The following TGFBR3L variants were observed in gnomAD, a reference collection of about 807,000 sequenced individuals.
The protein encoded by TGFBR3L is transforming growth factor-beta receptor type 3-like protein.
In TGFBR3L, 21 loss-of-function variants were observed where a neutral mutation model predicts 20.4. The ratio of observed to expected loss-of-function variants is 1.03; its 90% CI spans 0.73 to 1.48. TGFBR3L has a LOEUF of 1.48. Ranked by LOEUF, TGFBR3L falls within the 40% of genes most tolerant of loss-of-function variation. The pLI, the probability that TGFBR3L is intolerant of heterozygous loss-of-function variation, is 0.00. For synonymous variants in TGFBR3L, 245 were observed against 244.2 expected (o/e 1.00, Z -0.03); for missense variants, 479 against 498.0 (o/e 0.96, Z 0.36).
rs1296911973 is a variant in TGFBR3L at position 7,918,057 on chromosome 19, C to G, written c.884C>G (p.Ala295Gly). 6.5e-7 allele frequency: 1 copy of G among 1,533,910 alleles called. No homozygotes were observed. Among genetic ancestry groups the G allele is most frequent in the Non-Finnish European group, 8.7e-7 (1 of 1,145,512 alleles). ...TCTGCAGCTCGCCTCTCCCTTCCAG[C>G]GCCCCACGCCCCTGGCCCGCCCGCG... Residue 295 changes from alanine (A) to glycine (G), a missense_variant and splice_region_variant, in exon 5 of 6, where the codon GCG becomes GGG. Ala to Gly is a moderately conservative substitution (Grantham distance 60). Coordinates refer to ENST00000565886, the MANE Select transcript of TGFBR3L (RefSeq NM_001195259.2).
In TGFBR3L at chr19:7,918,064, C is replaced by A. The variant is rs1356078080; in HGVS notation, c.891C>A (p.His297Gln). ...CTCGCCTCTCCCTTCCAGCGCCCCA[C>A]GCCCCTGGCCCGCCCGCGAGAGCCT... Residue 297 changes from histidine to glutamine, a missense_variant, in exon 5 of 6, where the codon CAC becomes CAA. Transcript: ENST00000565886. 3 of 1,534,754 alleles carry A rather than the reference C, an allele frequency of 2.0e-6. No homozygotes were observed. Among genetic ancestry groups the A allele is most frequent in the South Asian group, 1.2e-5 (1 of 84,024 alleles).
intron 2 of TGFBR3L, 132 bp downstream of exon 3, chr19:7,917,074 G>A: frequency 8.5e-7 from 1 of 1,181,964 alleles, no homozygotes; most frequent in Non-Finnish European, 1.1e-6. Flanking sequence ...GGGCGCAAGG[G>A]TCCATCTCTG....
Position 7,916,163 on chromosome 19 carries a change from AG to A in TGFBR3L, c.-101del. 6.9e-7 allele frequency: 1 copy of A among 1,452,146 alleles called. No homozygotes were observed. The highest frequency in any genetic ancestry group is 1.4e-5 in the South Asian group (1 of 70,364). 90.0% of individuals were successfully genotyped at this position (1,452,146 alleles called of 1,614,324 possible). A position where few individuals can be genotyped will look rare whatever the true frequency, so the allele number is the denominator to read the frequency against. On this transcript the variant is annotated 5_prime_UTR_variant, in exon 1 of 6. Coordinates refer to ENST00000565886, the MANE Select transcript of TGFBR3L (RefSeq NM_001195259.2). ...CTTCGCCAGCTTCGGAGGCTTCTCT[AG>A]GGGCGCATGGCTCTGCAACCGGCTC...
Position 7,915,251 on chromosome 19 carries a change from C to T in TGFBR3L, c.-1017C>T, listed in dbSNP as rs1326906044. 2.0e-5 allele frequency among the ~76,000 whole-genome samples: 3 copies of T among 152,108 alleles called. No individual in the cohort carries two copies. Among genetic ancestry groups the T allele is most frequent in the Non-Finnish European group, 2.9e-5 (2 of 68,018 alleles). On this transcript the variant is annotated 5_prime_UTR_variant, in exon 1 of 6. Coordinates refer to ENST00000565886, the MANE Select transcript of TGFBR3L (RefSeq NM_001195259.2). ...CGAACTTTTCAAAGTGCTGGGATTA[C>T]AGGTGTGAGCCACCGCGCCCCACCG...
chr19:7,917,090 A>C, intron 2 of TGFBR3L, 148 bp downstream of exon 3: 1 of 1,150,980 alleles, frequency 8.7e-7, no homozygotes, highest in Non-Finnish European at 1.1e-6. Flanking sequence ...CTCTGCCGAC[A>C]GAGTTTCTCC....
rs1451427190 is a variant in TGFBR3L, at chr19:7,916,107, C to T, written c.-161C>T. The T allele has an allele frequency of 1.4e-5, 19 of 1,392,080 alleles. No individual in the cohort carries two copies. Among genetic ancestry groups the T allele is most frequent in the Middle Eastern group, 2.6e-4 (1 of 3,810 alleles). The allele number at this position is 1,392,080 out of a possible 1,614,324, so 86.2% of individuals were successfully genotyped here. A position where few individuals can be genotyped will look rare whatever the true frequency, so the allele number is the denominator to read the frequency against. On this transcript the variant is annotated 5_prime_UTR_variant, in exon 1 of 6. Coordinates refer to ENST00000565886, the MANE Select transcript of TGFBR3L (RefSeq NM_001195259.2). ...CAGCCGGACCCCACCATCGGGTGCTCCTCACCGCTTCTCTTCCGCCCCAGG... is the reference window on the plus strand; with the variant it reads ...CAGCCGGACCCCACCATCGGGTGCTTCTCACCGCTTCTCTTCCGCCCCAGG...
At chr19:7,918,737 T>G in intron 5 of TGFBR3L, 180 bp from the exon 7 acceptor site, 1 of 396,152 alleles carries the variant, frequency 2.5e-6, no homozygotes, top group Non-Finnish European at 4.4e-6. Context: ...GCGCGGGCTT[T>G]GGGTCGAGCC....
At chr19:7,917,206 G>A (rs184427105) in intron 2 of TGFBR3L, among the ~76,000 whole-genome samples, 1 of 152,352 alleles carries the variant, frequency 6.6e-6, no homozygotes, top group East Asian at 1.9e-4. Flanking sequence ...TGGGAACCTG[G>A]TGCTGGGCCT....
intron 1 of TGFBR3L, 33 bp from the exon 3 acceptor site, chr19:7,916,589 C>A (rs1983311946): frequency 7.0e-7 from 1 of 1,432,520 alleles, no homozygotes; most frequent in Non-Finnish European, 9.1e-7. Context: ...CCGGTGGGGA[C>A]GGGCGATCCC....
chr19:7,916,688 T>C lies in TGFBR3L; in HGVS notation c.343T>C (p.Ser115Pro). Residue 115 changes from serine (S) to proline (P), a missense_variant, in exon 2 of 6, where the codon TCA becomes CCA. Transcript: ENST00000565886. Reference sequence around the variant, plus strand: ...GCACCGCTGCTCAGTGACGCCGTCCTCACGCCCGGCCCCGGGGCCCGCCCT... The same window carrying C: ...GCACCGCTGCTCAGTGACGCCGTCCCCACGCCCGGCCCCGGGGCCCGCCCT... The C allele has an allele frequency of 2.1e-6, 3 of 1,432,300 alleles. No homozygotes were observed. The highest frequency in any genetic ancestry group is 1.4e-5 in the South Asian group (1 of 70,186). The allele number at this position is 1,432,300 out of a possible 1,614,324, so 88.7% of individuals were successfully genotyped here.
Position 7,918,897 on chromosome 19 carries a change from G to C in TGFBR3L, c.*6-20G>C. ...CGCGTAGCGTCCCCTCCCTCGCTGA[G>C]CCTCAGCCACCCCTCCCAGGGATGG... is the stretch of plus-strand genomic sequence containing the variant. On this transcript the variant is annotated intron_variant, in intron 5 of 5. Transcript: ENST00000565886. 2.5e-6 allele frequency: 1 copy of C among 398,604 alleles called. No individual in the cohort carries two copies. Among genetic ancestry groups the C allele is most frequent in the Non-Finnish European group, 4.4e-6 (1 of 226,052 alleles). The allele number at this position is 398,604 out of a possible 1,614,324, so 24.7% of individuals were successfully genotyped here.
Position 7,917,717 on chromosome 19 carries a change from C to A in TGFBR3L, c.741C>A (p.Val247=), listed in dbSNP as rs1983377043. Residue 247 remains valine, a synonymous_variant, in exon 4 of 6, where the codon GTC becomes GTA. Transcript: ENST00000565886. ...TTCCCACAGGGCCGCCCAAGAGTGT[C>A]CCCGGCCGTGCAGTGCGCCCTGAGC... is the stretch of plus-strand genomic sequence containing the variant. The A allele has an allele frequency of 7.0e-7, 1 of 1,426,210 alleles. No individual in the cohort carries two copies. The highest frequency in any genetic ancestry group is 1.5e-5 in the South Asian group (1 of 68,848). The allele number at this position is 1,426,210 out of a possible 1,614,324, so 88.3% of individuals were successfully genotyped here.
At position 7,916,113 on chromosome 19, in the gene TGFBR3L, C is replaced by T; in HGVS notation, c.-155C>T. ...GACCCCACCATCGGGTGCTCCTCAC[C>T]GCTTCTCTTCCGCCCCAGGGAGGGC... On this transcript the variant is annotated 5_prime_UTR_variant, in exon 1 of 6. Coordinates refer to ENST00000565886, the MANE Select transcript of TGFBR3L (RefSeq NM_001195259.2). The T allele has an allele frequency of 1.1e-5, 15 of 1,409,014 alleles. No homozygotes were observed. The South Asian group carries it at 1.8e-4, about 17-fold the overall frequency. 87.3% of individuals were successfully genotyped at this position (1,409,014 alleles called of 1,614,324 possible).
chr19:7,915,069 G>C lies in TGFBR3L; in HGVS notation c.-1199G>C, dbSNP rs976893949. On this transcript the variant is annotated 5_prime_UTR_variant, in exon 1 of 6. Transcript: ENST00000565886. ...CACTCACCGCAACCTCCGCCTCCCC[G>C]GTTCAAGTGATTCTCCTGCCTCAGC... 2.0e-5 allele frequency among the ~76,000 whole-genome samples: 3 copies of C among 152,116 alleles called. No individual in the cohort carries two copies. Among genetic ancestry groups the C allele is most frequent in the Admixed American group, 1.3e-4 (2 of 15,266 alleles).
Position 7,916,790 on chromosome 19 carries a change from G to C in TGFBR3L, c.445G>C (p.Ala149Pro). 1 of 1,487,428 alleles carries C rather than the reference G, an allele frequency of 6.7e-7. No individual in the cohort carries two copies. The highest frequency in any genetic ancestry group is 8.9e-7 in the Non-Finnish European group (1 of 1,124,408). 92.1% of individuals were successfully genotyped at this position (1,487,428 alleles called of 1,614,324 possible). A position where few individuals can be genotyped will look rare whatever the true frequency, so the allele number is the denominator to read the frequency against. The change falls in exon 2 of 6, where the codon GCC (alanine) becomes CCC (proline). Residue 149 changes from alanine (A) to proline (P), a missense_variant. Physicochemically the swap from Ala to Pro is conservative, Grantham distance 27 (BLOSUM62 -1). Transcript: ENST00000565886. The stretch of plus-strand genomic sequence containing the variant: ...ACCGCCGCCGCCGAGCCCGGGTGCC[G>C]CCCGCCCCGCGCGTTTCAGCTTCCG...
At chr19:7,918,825 G>T in intron 5 of TGFBR3L, 92 bp from the exon 7 acceptor site, 1 of 397,970 alleles carries the variant, frequency 2.5e-6, no homozygotes. Flanking sequence ...ACCCCGGCAT[G>T]CAGACCGATG....
At position 7,916,644 on chromosome 19, in the gene TGFBR3L, C is replaced by G; in HGVS notation, c.299C>G (p.Pro100Arg). 1.4e-6 allele frequency: 2 copies of G among 1,421,774 alleles called. No individual in the cohort carries two copies. The highest frequency in any genetic ancestry group is 1.8e-6 in the Non-Finnish European group (2 of 1,099,334). The allele number at this position is 1,421,774 out of a possible 1,614,324, so 88.1% of individuals were successfully genotyped here. A position where few individuals can be genotyped will look rare whatever the true frequency, so the allele number is the denominator to read the frequency against. Residue 100 changes from proline to arginine, a missense_variant, in exon 2 of 6, where the codon CCG becomes CGG. Physicochemically the swap from Pro to Arg is moderately radical, Grantham distance 103 (BLOSUM62 -2). Transcript: ENST00000565886. The stretch of plus-strand genomic sequence containing the variant: ...CAGGCGGCCTTGGCCCGTCCCTCCC[C>G]GCGCTGGGGCCTGGCCCTGCACCGC...
Position 7,919,039 on chromosome 19 carries a change from T to C in TGFBR3L, c.*128T>C, listed in dbSNP as rs1983456648. The C allele has an allele frequency of 1.8e-5, 7 of 398,646 alleles. No individual in the cohort carries two copies. The highest frequency in any genetic ancestry group is 3.1e-5 in the Non-Finnish European group (7 of 226,190). 24.7% of individuals were successfully genotyped at this position (398,646 alleles called of 1,614,324 possible). On this transcript the variant is annotated 3_prime_UTR_variant, in exon 6 of 6. Coordinates refer to ENST00000565886, the MANE Select transcript of TGFBR3L (RefSeq NM_001195259.2). ...GATGAGGCCACGACCCCTGCGCTTC[T>C]CTCCTCCCCCTGTCCCTCCCACCTG... is the stretch of plus-strand genomic sequence containing the variant.
rs775452350 is a variant in TGFBR3L at position 7,916,679 on chromosome 19, A to G, written c.334A>G (p.Thr112Ala). Residue 112 changes from threonine (T) to alanine (A), a missense_variant, in exon 2 of 6, where the codon ACG becomes GCG. By Grantham distance (58) the Thr-to-Ala change is moderately conservative. Coordinates refer to ENST00000565886, the MANE Select transcript of TGFBR3L (RefSeq NM_001195259.2). ...CCTGGCCCTGCACCGCTGCTCAGTG[A>G]CGCCGTCCTCACGCCCGGCCCCGGG... The G allele has an allele frequency of 3.8e-5, 54 of 1,426,996 alleles. No individual in the cohort carries two copies. The South Asian group carries it at 7.7e-4, about 20-fold the overall frequency. The allele number at this position is 1,426,996 out of a possible 1,614,324, so 88.4% of individuals were successfully genotyped here. A position where few individuals can be genotyped will look rare whatever the true frequency, so the allele number is the denominator to read the frequency against.
Sources: gnomAD v4.1 joint callset for allele counts (sites outside exome capture counted in the v4.1 genomes callset) on GRCh38, gnomAD v4.1.1 for gene constraint, MANE v1.5 for transcripts, NCBI Gene and HGNC (gene_info 2026-07-23, HGNC 2026-07-21) for gene names.